Variants in ZNF121 observed in about 807,000 individuals in gnomAD.
ZNF121 encodes zinc finger protein 121.
Under a neutral mutation model 2.4 loss-of-function variants are expected in ZNF121, and 1 was observed. The ratio of observed to expected loss-of-function variants is 0.41; its 90% CI spans 0.15 to 1.94. The LOEUF is 1.94. Among genes scored for constraint, ZNF121 ranks in the 30% most tolerant of loss-of-function variants. The probability of loss-of-function intolerance (pLI) is 0.30; values close to 1 mark genes in which losing one functional copy is unlikely to be tolerated. For missense variants in ZNF121, 369 were observed against 466.3 expected (o/e 0.79, Z 1.92); for synonymous variants, 173 against 158.6 (o/e 1.09, Z -0.68).
chr19:9,568,811 C>T (rs1384595070), intron 2 of ZNF121, among the ~76,000 whole-genome samples, 191 bp downstream of exon 2: 1 of 152,074 alleles, frequency 6.6e-6, no homozygotes, highest in African/African-American at 2.4e-5. Flanking sequence ...TAAAAGAGCA[C>T]TCATTTGCAA....
chr19:9,582,320 C>T (rs2074253423), intron 1 of ZNF121, among the ~76,000 whole-genome samples: 1 of 152,164 alleles, frequency 6.6e-6, no homozygotes, highest in South Asian at 2.1e-4. Context: ...CTAGTTCCTG[C>T]CTTAACTGAT....
Position 9,560,872 on chromosome 19 carries a change from T to A in ZNF121, c.*5068A>T, listed in dbSNP as rs751103119. 3 of 152,254 alleles carry A rather than the reference T, an allele frequency of 2.0e-5. No homozygotes were observed. Among genetic ancestry groups the A allele is most frequent in the Non-Finnish European group, 4.4e-5 (3 of 68,048 alleles). 9.4% of individuals were successfully genotyped at this position (152,254 alleles called of 1,614,324 possible). A position where few individuals can be genotyped will look rare whatever the true frequency, so the allele number is the denominator to read the frequency against. ...CTGCTGACCAAGTAAGTTTTAAACC[T>A]AGTGCTTTTATATTACGCCCTGAGC... On this transcript the variant is annotated 3_prime_UTR_variant, in exon 4 of 4. Transcript: ENST00000320451.
At chr19:9,567,476 C>T (rs1295813670) in intron 3 of ZNF121, among the ~76,000 whole-genome samples, 1 of 152,146 alleles carries the variant, frequency 6.6e-6, no homozygotes, top group Non-Finnish European at 1.5e-5. Context: ...AGGTCCCCAA[C>T]CTTTTTGCTA....
Position 9,562,885 on chromosome 19 carries a change from TTAAAAAA to T in ZNF121, c.*3048_*3054del, listed in dbSNP as rs2144800010. On this transcript the variant is annotated 3_prime_UTR_variant, in exon 4 of 4. Transcript: ENST00000320451. ...GGGTAAACAGTAAAGTCCTGCCTCT[TTAAAAAA>T]AAAAAAAAAAAAAAAAAAAAATTAG... 1.2e-5 allele frequency: 1 copy of T among 80,758 alleles called. No individual in the cohort carries two copies. Among genetic ancestry groups the T allele is most frequent in the South Asian group, 5.0e-4 (1 of 2,000 alleles). The allele number at this position is 80,758 out of a possible 1,614,324, so 5.0% of individuals were successfully genotyped here. A position where few individuals can be genotyped will look rare whatever the true frequency, so the allele number is the denominator to read the frequency against.
At position 9,567,810 on chromosome 19, in the gene ZNF121, C is replaced by T. The variant is rs944890674; in HGVS notation, c.3+285G>A. 2.4e-5 allele frequency: 7 copies of T among 297,252 alleles called. No individual in the cohort carries two copies. In the South Asian group the frequency reaches 2.7e-4, roughly 11 times the overall value. 18.4% of individuals were successfully genotyped at this position (297,252 alleles called of 1,614,324 possible). A position where few individuals can be genotyped will look rare whatever the true frequency, so the allele number is the denominator to read the frequency against. On this transcript the variant is annotated intron_variant, in intron 3 of 3. Transcript: ENST00000320451. Reference sequence around the variant, plus strand: ...GTAAGGTTTGTGCTTCTATGACAATCGAATGCTGCTACTGACAGGTGGAGT... The same window carrying T: ...GTAAGGTTTGTGCTTCTATGACAATTGAATGCTGCTACTGACAGGTGGAGT...
At position 9,560,889 on chromosome 19, in the gene ZNF121, G is replaced by A. The variant is rs990177957; in HGVS notation, c.*5051C>T. The A allele has an allele frequency of 3.6e-4, 55 of 152,294 alleles. No individual in the cohort carries two copies. Among genetic ancestry groups the A allele is most frequent in the African/African-American group, 1.2e-3 (49 of 41,554 alleles). The allele number at this position is 152,294 out of a possible 1,614,324, so 9.4% of individuals were successfully genotyped here. On this transcript the variant is annotated 3_prime_UTR_variant, in exon 4 of 4. Coordinates refer to ENST00000320451, the MANE Select transcript of ZNF121 (RefSeq NM_001008727.5). ...TTTAAACCTAGTGCTTTTATATTAC[G>A]CCCTGAGCTAAAGATAAGAACTGTG...
chr19:9,572,809 G>A (rs992823630), intron 1 of ZNF121, among the ~76,000 whole-genome samples: 3 of 152,104 alleles, frequency 2.0e-5, no homozygotes, highest in East Asian at 1.9e-4. Context: ...CAGGCAGATC[G>A]CTTAAGCTCG....
chr19:9,574,620 T>G (rs544907383), intron 1 of ZNF121, among the ~76,000 whole-genome samples: 3 of 152,306 alleles, frequency 2.0e-5, no homozygotes, highest in East Asian at 1.9e-4. Flanking sequence ...ATTTTGTACT[T>G]GTTTTGATTG....
At chr19:9,583,508 T>TG (rs1253300156) in intron 1 of ZNF121, among the ~76,000 whole-genome samples, 7 of 125,602 alleles carry the variant, frequency 5.6e-5, no homozygotes, top group African/African-American at 2.1e-4. Context: ...TTTTTTTTTT[T>TG]TTTTTGTGTG....
rs1464774188 is a variant in ZNF121 at position 9,563,047 on chromosome 19, T to C, written c.*2893A>G. On this transcript the variant is annotated 3_prime_UTR_variant, in exon 4 of 4. Transcript: ENST00000320451. ...TCCAGCCTGGGCAAAAGGGAGACCA[T>C]GTCTCAAAAAAAAAAAAAAAAAAAA... 1.6e-5 allele frequency: 2 copies of C among 128,110 alleles called. No homozygotes were observed. Among genetic ancestry groups the C allele is most frequent in the South Asian group, 2.5e-4 (1 of 4,048 alleles). 7.9% of individuals were successfully genotyped at this position (128,110 alleles called of 1,614,324 possible).
Position 9,566,932 on chromosome 19 carries a change from G to C in ZNF121, c.181C>G (p.Leu61Val). 6.2e-7 allele frequency: 1 copy of C among 1,614,220 alleles called. No homozygotes were observed. Among genetic ancestry groups the C allele is most frequent in the Non-Finnish European group, 8.5e-7 (1 of 1,180,038 alleles). Residue 61 changes from leucine (L) to valine (V), a missense_variant, in exon 4 of 4, where the codon CTT becomes GTT. Transcript: ENST00000320451. Reference sequence around the variant, plus strand: ...TTTCTGCACTGATTCAACACAGAAAGTGTCTCTCCAGCAGGGGCACTGTTG... The same window carrying C: ...TTTCTGCACTGATTCAACACAGAAACTGTCTCTCCAGCAGGGGCACTGTTG... ...LHNSAPAGETLSVLNQCRKAF... is the reference protein window; with the variant it reads ...LHNSAPAGETVSVLNQCRKAF...
Position 9,566,936 on chromosome 19 carries a change from C to T in ZNF121, c.177G>A (p.Glu59=). 12 of 1,614,208 alleles carry T rather than the reference C, an allele frequency of 7.4e-6. No homozygotes were observed. The highest frequency in any genetic ancestry group is 8.5e-6 in the Non-Finnish European group (10 of 1,180,028). ...PMLHNSAPAG[E]TLSVLNQCRK... is the part of the protein sequence containing the mutation. The stretch of plus-strand genomic sequence containing the variant: ...TGCACTGATTCAACACAGAAAGTGT[C>T]TCTCCAGCAGGGGCACTGTTGTGTA... Residue 59 remains glutamate (E), a synonymous_variant, in exon 4 of 4, where the codon GAG becomes GAA. Coordinates refer to ENST00000320451, the MANE Select transcript of ZNF121 (RefSeq NM_001008727.5).
chr19:9,570,747 G>C (rs1053852385), intron 1 of ZNF121, among the ~76,000 whole-genome samples: 1 of 151,660 alleles, frequency 6.6e-6, no homozygotes, highest in African/African-American at 2.4e-5. Context: ...TTTGCGAGGG[G>C]GGGGGGTATT....
intron 1 of ZNF121, among the ~76,000 whole-genome samples, chr19:9,578,650 C>T (rs2074228248): frequency 6.6e-6 from 1 of 152,050 alleles, no homozygotes; most frequent in South Asian, 2.1e-4. Flanking sequence ...TAACGATATG[C>T]AGAATGAACT....
chr19:9,572,827 G>A (rs989811669), intron 1 of ZNF121, among the ~76,000 whole-genome samples: 1 of 152,092 alleles, frequency 6.6e-6, no homozygotes, highest in African/African-American at 2.4e-5. Flanking sequence ...TCGAGTTCAA[G>A]ACCAGCAACA....
At chr19:9,583,445 CCTCCCAAGTAGCTAGG>C (rs1175238615) in intron 1 of ZNF121, among the ~76,000 whole-genome samples, 1 of 148,672 alleles carries the variant, frequency 6.7e-6, no homozygotes, top group Non-Finnish European at 1.5e-5. Context: ...CCTGCCTCAG[CCTCCCAAGTAGCTAGG>C]ATTACAGGGG....
intron 1 of ZNF121, among the ~76,000 whole-genome samples, chr19:9,577,970 A>G (rs1465755139): frequency 1.3e-5 from 2 of 151,792 alleles, no homozygotes; most frequent in African/African-American, 4.8e-5. Context: ...AGGTGGGCAG[A>G]CCACGAGGTC....
chr19:9,568,819 C>CA (rs1599736076), intron 2 of ZNF121, among the ~76,000 whole-genome samples, 183 bp downstream of exon 2: 2 of 152,190 alleles, frequency 1.3e-5, no homozygotes, highest in East Asian at 3.9e-4. Flanking sequence ...CACTCATTTG[C>CA]AAAATCACAT....
chr19:9,568,149 C>G lies in ZNF121; in HGVS notation c.-52G>C. 6.6e-7 allele frequency: 1 copy of G among 1,507,332 alleles called. No homozygotes were observed. The highest frequency in any genetic ancestry group is 1.9e-5 in the Admixed American group (1 of 53,176). The allele number at this position is 1,507,332 out of a possible 1,614,324, so 93.4% of individuals were successfully genotyped here. ...GCCAAAAAAAAATGTTGTTGAGGTG[C>G]TGACACTTTGGTTTTAACTTGCCAT... On this transcript the variant is annotated 5_prime_UTR_variant, in exon 3 of 4. Transcript: ENST00000320451.
Sources: gnomAD v4.1 joint callset for allele counts (sites outside exome capture counted in the v4.1 genomes callset) on GRCh38, gnomAD v4.1.1 for gene constraint, MANE v1.5 for transcripts, NCBI Gene and HGNC (gene_info 2026-07-23, HGNC 2026-07-21) for gene names.